The following ZNF569 variants were observed in gnomAD, a reference collection of about 807,000 sequenced individuals.
ZNF569 encodes the protein zinc finger protein 569, also known as DNA-binding protein.
In ZNF569, 38 loss-of-function variants were observed where a neutral mutation model predicts 56.3. That is an observed-to-expected ratio of 0.68 (90% CI 0.52 to 0.88). The LOEUF is 0.88. Among genes scored for constraint, ZNF569 ranks in the 40% least tolerant of loss-of-function variants. The probability of loss-of-function intolerance (pLI) is 0.00; values close to 1 mark genes in which losing one functional copy is unlikely to be tolerated. For missense variants in ZNF569, 666 were observed against 809.2 expected, an observed-to-expected ratio of 0.82 and a Z score of 2.15; for synonymous variants, 241 against 262.9, an observed-to-expected ratio of 0.92 and a Z score of 0.81.
At chr19:37,417,722 C>A (rs2040957823) in intron 5 of ZNF569, among the ~76,000 whole-genome samples, 2 of 152,114 alleles carry the variant, frequency 1.3e-5, no homozygotes. Context: ...TTGAAAATAG[C>A]TCAAAGGAAA....
intron 3 of ZNF569, among the ~76,000 whole-genome samples, chr19:37,440,857 T>C (rs1312597804): frequency 6.6e-6 from 1 of 152,200 alleles, no homozygotes; most frequent in Non-Finnish European, 1.5e-5. Flanking sequence ...GAAGACTTAA[T>C]ATGGCAACAA....
intron 3 of ZNF569, among the ~76,000 whole-genome samples, chr19:37,441,188 G>A (rs2041398936): frequency 6.6e-6 from 1 of 152,200 alleles, no homozygotes; most frequent in African/African-American, 2.4e-5. Context: ...CTTGAAGGTA[G>A]GGAGGTAATA....
At chr19:37,453,102 T>C (rs113384309) in intron 2 of ZNF569, among the ~76,000 whole-genome samples, 4,595 of 152,250 alleles carry the variant, frequency 0.03, 215 homozygotes, top group African/African-American at 0.096. Flanking sequence ...TGAATCCTTC[T>C]AGTGAATTTT....
At chr19:37,426,488 T>C in intron 3 of ZNF569, 110 bp from the exon 4 acceptor site, 1 of 1,202,380 alleles carries the variant, frequency 8.3e-7, no homozygotes, top group Non-Finnish European at 1.1e-6. Context: ...AAAAAGCCCA[T>C]CATATTAGCA....
At chr19:37,462,995 A>C (rs1473268374) in intron 2 of ZNF569, among the ~76,000 whole-genome samples, 1 of 152,166 alleles carries the variant, frequency 6.6e-6, no homozygotes, top group Non-Finnish European at 1.5e-5. Context: ...CTGAAATCTC[A>C]CTACATTCCA....
In ZNF569 at chr19:37,426,265, G is replaced by C. The variant is rs1254169929; in HGVS notation, c.129C>G (p.Asn43Lys). 1 of 1,611,360 alleles carries C rather than the reference G, an allele frequency of 6.2e-7. No individual in the cohort carries two copies. Among genetic ancestry groups the C allele is most frequent in the South Asian group, 1.1e-5 (1 of 90,488 alleles). The change falls in exon 4 of 6, where the codon AAC (asparagine) becomes AAG (lysine). Residue 43 changes from asparagine to lysine, a missense_variant. Coordinates refer to ENST00000316950, the MANE Select transcript of ZNF569 (RefSeq NM_152484.3). ...YRNVMLENYNNLITVGYPFTK... is the reference protein window; with the variant it reads ...YRNVMLENYNKLITVGYPFTK... ...AATTACTCTTACCTACTGTGATTAA[G>C]TTGTTATAGTTTTCTAGCATCACAT... is the stretch of plus-strand genomic sequence containing the variant.
At chr19:37,427,801 G>A (rs184054003) in intron 3 of ZNF569, 6 of 517,452 alleles carry the variant, frequency 1.2e-5, no homozygotes, top group African/African-American at 1.2e-4. Context: ...TCATCTGGGA[G>A]GAAGATCCAA....
intron 5 of ZNF569, among the ~76,000 whole-genome samples, chr19:37,421,837 C>T (rs775784333): frequency 1.3e-5 from 2 of 149,468 alleles, no homozygotes; most frequent in Non-Finnish European, 3.0e-5. Context: ...GCAACCTCCA[C>T]CTCTTAGACT....
At chr19:37,416,652 TTTA>T (rs1290097849) in intron 5 of ZNF569, among the ~76,000 whole-genome samples, 1 of 152,252 alleles carries the variant, frequency 6.6e-6, no homozygotes, top group Non-Finnish European at 1.5e-5. Flanking sequence ...TGTATTATTT[TTTA>T]TTGTTGTATT....
At chr19:37,467,483 T>C (rs1600366666), upstream of ZNF569, 1 of 213,208 alleles carries the variant, frequency 4.7e-6, no homozygotes. Context: ...CGGCCCTACT[T>C]CCCCGACCCC....
chr19:37,428,344 A>AATGAATG (rs1555835831), intron 3 of ZNF569, among the ~76,000 whole-genome samples: 2 of 140,116 alleles, frequency 1.4e-5, no homozygotes, highest in South Asian at 4.2e-4. Flanking sequence ...TCTCTACAAT[A>AATGAATG]AATGAATGAA....
chr19:37,414,410 C>T lies in ZNF569; in HGVS notation c.248G>A (p.Trp83Ter). Residue 83 changes from tryptophan to a stop codon, truncating the protein, a stop_gained, in exon 6 of 6, where the codon TGG becomes TAG. Coordinates refer to ENST00000316950, the MANE Select transcript of ZNF569 (RefSeq NM_152484.3). LOFTEE classifies it high-confidence loss of function. The stretch of plus-strand genomic sequence containing the variant: ...GTTTTTCTGATGCTCATCAACTCCC[C>T]ATATTTCTCCTAAAACAGATTGCAA... ...VLRRHWQGEI[W>*]GVDEHQKNQD... 6.3e-7 allele frequency: 1 copy of T among 1,575,822 alleles called. No homozygotes were observed. Among genetic ancestry groups the T allele is most frequent in the South Asian group, 1.2e-5 (1 of 83,782 alleles).
At chr19:37,418,538 C>G (rs1477700233) in intron 5 of ZNF569, among the ~76,000 whole-genome samples, 1 of 151,876 alleles carries the variant, frequency 6.6e-6, no homozygotes, top group East Asian at 1.9e-4. Context: ...ACAGAAGAAC[C>G]GAGAACGCTA....
At chr19:37,443,250 G>A (rs147908891) in intron 3 of ZNF569, among the ~76,000 whole-genome samples, 390 of 152,296 alleles carry the variant, frequency 2.6e-3, no homozygotes, top group African/African-American at 9.1e-3. Flanking sequence ...GGAGGCTGAG[G>A]CAGGAGAATT....
rs545787796 is a variant in ZNF569, at chr19:37,426,076, G to A, written c.143-113C>T. On this transcript the variant is annotated intron_variant, in intron 4 of 5. Transcript: ENST00000316950. ...CTAAAGGACAAGAAAATGTGGCTTC[G>A]GGGGTTCTGTCCCCTTTTGCTCTGA... The A allele has an allele frequency of 1.1e-5, 15 of 1,340,094 alleles. No individual in the cohort carries two copies. The East Asian group carries it at 2.8e-4, about 25-fold the overall frequency. 83.0% of individuals were successfully genotyped at this position (1,340,094 alleles called of 1,614,324 possible).
intron 3 of ZNF569, among the ~76,000 whole-genome samples, chr19:37,430,669 T>C (rs1175643073): frequency 3.3e-5 from 5 of 151,552 alleles, no homozygotes; most frequent in Non-Finnish European, 7.4e-5. Context: ...GAACACCAAA[T>C]TGAACAACTA....
intron 3 of ZNF569, among the ~76,000 whole-genome samples, chr19:37,439,008 C>A (rs1474382273): frequency 6.6e-6 from 1 of 152,160 alleles, no homozygotes; most frequent in Non-Finnish European, 1.5e-5. Context: ...TTCAACATCA[C>A]TGATCATCAG....
At chr19:37,443,911 T>C (rs1386703248) in intron 3 of ZNF569, among the ~76,000 whole-genome samples, 1 of 150,572 alleles carries the variant, frequency 6.6e-6, no homozygotes, top group Non-Finnish European at 1.5e-5. Flanking sequence ...CCAGCTACAA[T>C]GGAGGCTGAG....
At position 37,413,890 on chromosome 19, in the gene ZNF569, A is replaced by C; in HGVS notation, c.768T>G (p.Asn256Lys). 6.2e-7 allele frequency: 1 copy of C among 1,613,010 alleles called. No homozygotes were observed. The highest frequency in any genetic ancestry group is 2.2e-5 in the East Asian group (1 of 44,840). ...ECGKAFIKMS[N>K]LIRHQRIHTG... Reference sequence around the variant, plus strand: ...TATGAATTCTTTGATGTCTAATGAGATTTGACATTTTAATGAAAGCTTTAC... The same window carrying C: ...TATGAATTCTTTGATGTCTAATGAGCTTTGACATTTTAATGAAAGCTTTAC... The change falls in exon 6 of 6, where the codon AAT becomes AAG. Residue 256 changes from asparagine (N) to lysine (K), a missense_variant. Asn to Lys is a moderately conservative substitution (Grantham distance 94, BLOSUM62 0). Coordinates refer to ENST00000316950, the MANE Select transcript of ZNF569 (RefSeq NM_152484.3).
Sources: allele counts gnomAD v4.1 joint callset (sites outside exome capture counted in the v4.1 genomes callset), GRCh38; gene constraint gnomAD v4.1.1; transcripts MANE v1.5; gene names NCBI Gene and HGNC (gene_info 2026-07-23, HGNC 2026-07-21).